DSCAM: variants seen among roughly 807,000 people sequenced by gnomAD.
DSCAM encodes the protein DS cell adhesion molecule.
Under a neutral mutation model 217.7 loss-of-function variants are expected in DSCAM, and 47 were observed. The ratio of observed to expected loss-of-function variants is 0.22; its 90% confidence interval spans 0.17 to 0.28. DSCAM has a LOEUF of 0.28. Ranked by LOEUF, DSCAM falls within the 10% of genes least tolerant of loss-of-function variation. DSCAM has a pLI of 1.00. For synonymous variants in DSCAM, 1,056 were observed against 1,015.3 expected, an observed-to-expected ratio of 1.04 and a Z score of -0.76; for missense variants, 2,080 against 2,618.3, an observed-to-expected ratio of 0.79 and a Z score of 4.49.
At chr21:40,411,439 C>T (rs2075322639) in intron 3 of DSCAM, among the ~76,000 whole-genome samples, 1 of 152,112 alleles carries the variant, frequency 6.6e-6, no homozygotes, top group Admixed American at 6.5e-5. Context: ...TCAATAATCA[C>T]ACTGAATTTT....
chr21:40,809,317 C>G (rs570138136), intron 1 of DSCAM, among the ~76,000 whole-genome samples: 10 of 152,136 alleles, frequency 6.6e-5, no homozygotes, highest in African/African-American at 2.4e-4. Context: ...GAGGAAAAGC[C>G]GATCTATAAA....
intron 27 of DSCAM, among the ~76,000 whole-genome samples, chr21:40,066,367 T>C (rs1277079806): frequency 6.6e-6 from 1 of 152,242 alleles, no homozygotes; most frequent in Non-Finnish European, 1.5e-5. Flanking sequence ...TCCATGTAGC[T>C]GCATTTCCCT....
intron 3 of DSCAM, among the ~76,000 whole-genome samples, chr21:40,492,544 AT>A (rs34282023): frequency 1.5e-4 from 20 of 134,178 alleles, no homozygotes; most frequent in African/African-American, 2.2e-4. Context: ...TGAGATTGAC[AT>A]TTTTTTTTAA....
At chr21:40,559,852 G>T (rs549294408) in intron 3 of DSCAM, among the ~76,000 whole-genome samples, 1 of 149,134 alleles carries the variant, frequency 6.7e-6, no homozygotes, top group Non-Finnish European at 1.5e-5. Flanking sequence ...GAGTGCAGTG[G>T]CGCGATCTCG....
At chr21:40,560,541 C>T (rs1399149114) in intron 3 of DSCAM, among the ~76,000 whole-genome samples, 2 of 152,244 alleles carry the variant, frequency 1.3e-5, no homozygotes, top group Non-Finnish European at 2.9e-5. Flanking sequence ...GACTCCTCGA[C>T]TTACAGTGGG....
intron 21 of DSCAM, among the ~76,000 whole-genome samples, chr21:40,088,119 G>A (rs2089556103): frequency 6.6e-6 from 1 of 152,136 alleles, no homozygotes; most frequent in African/African-American, 2.4e-5. Context: ...CAGGAGCCCG[G>A]GGCTTCTCCT....
chr21:40,825,031 C>T (rs952158852), intron 1 of DSCAM, among the ~76,000 whole-genome samples: 1 of 152,178 alleles, frequency 6.6e-6, no homozygotes, highest in Non-Finnish European at 1.5e-5. Flanking sequence ...TGAGCATGTC[C>T]TATTGTCCTG....
chr21:40,428,682 A>T (rs995353816), intron 3 of DSCAM, among the ~76,000 whole-genome samples: 1 of 152,144 alleles, frequency 6.6e-6, no homozygotes, highest in Admixed American at 6.5e-5. Context: ...AGGATATGCA[A>T]ATTTACTAAT....
At chr21:40,607,453 T>G (rs1487451194) in intron 3 of DSCAM, among the ~76,000 whole-genome samples, 1 of 151,452 alleles carries the variant, frequency 6.6e-6, no homozygotes, top group Non-Finnish European at 1.5e-5. Flanking sequence ...AGGGATTTCA[T>G]CTTTTTAGAA....
chr21:40,483,560 A>C (rs1432780040), intron 3 of DSCAM, among the ~76,000 whole-genome samples: 5 of 152,204 alleles, frequency 3.3e-5, no homozygotes, highest in African/African-American at 9.6e-5. Context: ...TGATTACACA[A>C]TGATAATTTT....
Position 40,042,683 on chromosome 21 carries a change from G to C in DSCAM, c.5384-10C>G. 6.3e-7 allele frequency: 1 copy of C among 1,592,256 alleles called. No homozygotes were observed. The highest frequency in any genetic ancestry group is 8.5e-7 in the Non-Finnish European group (1 of 1,171,018). On this transcript the variant is annotated splice_polypyrimidine_tract_variant and intron_variant, in intron 31 of 32. Transcript: ENST00000400454. ...CTGCTTCTTGCTCGATCTACACCAG[G>C]AAAGAGAAAAACAAGACGGACGACT...
At chr21:40,211,860 AGAT>A (rs1373385238) in intron 11 of DSCAM, among the ~76,000 whole-genome samples, 6 of 152,160 alleles carry the variant, frequency 3.9e-5, no homozygotes, top group African/African-American at 1.4e-4. Context: ...TTGAGGTTAA[AGAT>A]GATGTCTTAA....
intron 20 of DSCAM, among the ~76,000 whole-genome samples, chr21:40,113,154 G>A (rs1019401583): frequency 2.0e-5 from 3 of 152,190 alleles, no homozygotes; most frequent in South Asian, 2.1e-4. Context: ...GAACATCGAT[G>A]CAAAAATCCT....
intron 1 of DSCAM, among the ~76,000 whole-genome samples, chr21:40,758,390 G>A (rs1046748447): frequency 3.2e-4 from 49 of 152,038 alleles, no homozygotes; most frequent in East Asian, 1.9e-4. Flanking sequence ...TGTGGCAGGC[G>A]CCTGTAGTCC....
intron 3 of DSCAM, among the ~76,000 whole-genome samples, chr21:40,604,224 CTCA>C (rs1231547644): frequency 6.6e-6 from 1 of 152,056 alleles, no homozygotes; most frequent in Non-Finnish European, 1.5e-5. Context: ...TATTAATGAG[CTCA>C]TCAAAGGCAC....
At chr21:40,524,004 C>T (rs1408296849) in intron 3 of DSCAM, among the ~76,000 whole-genome samples, 1 of 152,172 alleles carries the variant, frequency 6.6e-6, no homozygotes, top group Non-Finnish European at 1.5e-5. Flanking sequence ...TCAACAGTAT[C>T]TTAAGAACTT....
chr21:40,592,092 G>A (rs2146244864), intron 3 of DSCAM, among the ~76,000 whole-genome samples: 1 of 152,250 alleles, frequency 6.6e-6, no homozygotes, highest in African/African-American at 2.4e-5. Flanking sequence ...TAAGAAGGTG[G>A]TCTACAACAT....
rs543348065 is a variant in DSCAM at position 40,236,572 on chromosome 21, T to A, written c.2356+39525A>T. 4.6e-5 allele frequency among the ~76,000 whole-genome samples: 7 copies of A among 152,232 alleles called. No homozygotes were observed. In the East Asian group the frequency reaches 1.4e-3, roughly 29 times the overall value. ...CTCAGACACAGAGCACATGACGGGT[T>A]TTGAGTGACACCAGGGGTCAGGCTG... On this transcript the variant is annotated intron_variant, in intron 11 of 32. Transcript: ENST00000400454.
chr21:40,416,533 T>C lies in DSCAM; in HGVS notation c.509-47288A>G, dbSNP rs554914909. Among the ~76,000 whole-genome samples the C allele has an allele frequency of 2.0e-5, 3 of 152,258 alleles. 1 individual carries two copies. The highest frequency in any genetic ancestry group is 7.2e-5 in the African/African-American group (3 of 41,546). ...TTGCCAAAATAAGCAGACAAAGAGT[T>C]TGGAGACAAGAATAGTCACTGTATT... On this transcript the variant is annotated intron_variant, in intron 3 of 32. Coordinates refer to ENST00000400454, the MANE Select transcript of DSCAM (RefSeq NM_001389.5).
Sources: gnomAD v4.1 joint callset for allele counts (sites outside exome capture counted in the v4.1 genomes callset) on GRCh38, gnomAD v4.1.1 for gene constraint, MANE v1.5 for transcripts, NCBI Gene and HGNC (gene_info 2026-07-23, HGNC 2026-07-21) for gene names.